CTNND2: variants seen among roughly 807,000 people sequenced by gnomAD.
The protein encoded by CTNND2 is catenin delta-2.
A neutral mutation model predicts 144.4 loss-of-function variants in CTNND2; 22 were observed. That is an observed-to-expected ratio of 0.15 (90% CI 0.11 to 0.22). The LOEUF (loss-of-function observed/expected upper bound fraction) is 0.22. Among genes scored for constraint, CTNND2 ranks in the 10% least tolerant of loss-of-function variants. The pLI is 1.00. For synonymous variants in CTNND2, 751 were observed against 695.6 expected (o/e 1.08, Z -1.25); for missense variants, 1,353 against 1,618.8 (o/e 0.84, Z 2.82).
At chr5:11,151,297 C>T (rs1341786694) in intron 12 of CTNND2, among the ~76,000 whole-genome samples, 1 of 152,134 alleles carries the variant, frequency 6.6e-6, no homozygotes, top group Non-Finnish European at 1.5e-5. Flanking sequence ...AGGGAAGTTA[C>T]TTCTTATGCA....
At chr5:11,895,220 A>C (rs1443009039) in intron 1 of CTNND2, among the ~76,000 whole-genome samples, 4 of 152,172 alleles carry the variant, frequency 2.6e-5, no homozygotes, top group South Asian at 2.1e-4. Flanking sequence ...TCACACAGTG[A>C]TCCTGGAGTC....
chr5:11,088,147 C>T (rs1353593529), intron 15 of CTNND2, among the ~76,000 whole-genome samples: 1 of 152,190 alleles, frequency 6.6e-6, no homozygotes, highest in Non-Finnish European at 1.5e-5. Context: ...CAACTGGTAT[C>T]TAGAAATGCC....
rs1739079097 is a variant in CTNND2, at chr5:11,215,484, T to G, written c.1762-15823A>C. Among the ~76,000 whole-genome samples the G allele has an allele frequency of 2.0e-5, 3 of 152,232 alleles. No homozygotes were observed. The South Asian group carries it at 6.2e-4, about 32-fold the overall frequency. On this transcript the variant is annotated intron_variant, in intron 10 of 21. Transcript: ENST00000304623. Reference sequence around the variant, plus strand: ...TAGATATGCAGATGCCTTGTTTTCTTTAATGCAAAAATATGTAAAAGCATG... The same window carrying G: ...TAGATATGCAGATGCCTTGTTTTCTGTAATGCAAAAATATGTAAAAGCATG...
intron 3 of CTNND2, among the ~76,000 whole-genome samples, chr5:11,548,252 A>T (rs1775430026): frequency 2.0e-5 from 3 of 152,230 alleles, no homozygotes; most frequent in African/African-American, 7.2e-5. Flanking sequence ...ACAAATAAAC[A>T]CAAAATTGAG....
At chr5:11,631,074 TG>T (rs1464277834) in intron 2 of CTNND2, among the ~76,000 whole-genome samples, 2 of 152,172 alleles carry the variant, frequency 1.3e-5, no homozygotes, top group Non-Finnish European at 2.9e-5. Context: ...AGTAATATAA[TG>T]TCACTTTTTC....
intron 1 of CTNND2, among the ~76,000 whole-genome samples, chr5:11,796,954 G>A (rs1237621978): frequency 6.6e-6 from 1 of 152,170 alleles, no homozygotes; most frequent in Non-Finnish European, 1.5e-5. Context: ...GAGCACAGGA[G>A]TGAGGAATTT....
At position 11,714,233 on chromosome 5, in the gene CTNND2, A is replaced by C. The variant is rs1786212510; in HGVS notation, c.174+17903T>G. Among the ~76,000 whole-genome samples, 8 of 152,330 alleles carry C rather than the reference A, an allele frequency of 5.3e-5. No homozygotes were observed. The South Asian group carries it at 1.7e-3, about 32-fold the overall frequency. The stretch of plus-strand genomic sequence containing the variant: ...GGAAACCCTATCAGAAACTGACTGG[A>C]GTCGGCCTTCCAGACAGAAAAACAA... On this transcript the variant is annotated intron_variant, in intron 2 of 21. Transcript: ENST00000304623.
intron 1 of CTNND2, among the ~76,000 whole-genome samples, chr5:11,870,208 G>A (rs1331157160): frequency 1.3e-5 from 2 of 152,118 alleles, no homozygotes; most frequent in African/African-American, 4.8e-5. Context: ...CTGTCCCCTA[G>A]GAGGCATTTG....
At chr5:11,133,669 A>C (rs1755839454) in intron 12 of CTNND2, among the ~76,000 whole-genome samples, 1 of 152,196 alleles carries the variant, frequency 6.6e-6, no homozygotes, top group Non-Finnish European at 1.5e-5. Context: ...AAATTTCTGA[A>C]AGAAATTTCT....
chr5:11,782,485 T>C (rs1790594469), intron 1 of CTNND2, among the ~76,000 whole-genome samples: 1 of 152,184 alleles, frequency 6.6e-6, no homozygotes, highest in African/African-American at 2.4e-5. Flanking sequence ...AAAGGACCTA[T>C]TATGTAAATT....
chr5:11,617,601 TG>T (rs1291636218), intron 2 of CTNND2, among the ~76,000 whole-genome samples: 1 of 152,194 alleles, frequency 6.6e-6, no homozygotes, highest in Non-Finnish European at 1.5e-5. Context: ...CATACAAAAA[TG>T]AATATTAAAT....
At chr5:11,788,158 C>A (rs1790932085) in intron 1 of CTNND2, among the ~76,000 whole-genome samples, 1 of 152,092 alleles carries the variant, frequency 6.6e-6, no homozygotes. Context: ...TTAAAATAAC[C>A]TTGGTTAAAT....
At chr5:11,492,352 G>A (rs1769477955) in intron 3 of CTNND2, among the ~76,000 whole-genome samples, 1 of 152,130 alleles carries the variant, frequency 6.6e-6, no homozygotes, top group Non-Finnish European at 1.5e-5. Context: ...GTACAAGGAA[G>A]GTTTTATTCA....
At chr5:11,273,565 A>G (rs1464973062) in intron 9 of CTNND2, among the ~76,000 whole-genome samples, 2 of 152,192 alleles carry the variant, frequency 1.3e-5, no homozygotes, top group Non-Finnish European at 2.9e-5. Flanking sequence ...GGTCACTGAA[A>G]TTTCTTTTCA....
At chr5:11,753,238 T>C (rs1487137867) in intron 1 of CTNND2, among the ~76,000 whole-genome samples, 1 of 151,874 alleles carries the variant, frequency 6.6e-6, no homozygotes, top group East Asian at 1.9e-4. Context: ...ACAGTGGTCA[T>C]CCTTGTCTTG....
intron 18 of CTNND2, among the ~76,000 whole-genome samples, chr5:11,002,919 A>T (rs1158192145): frequency 6.6e-6 from 1 of 152,218 alleles, no homozygotes; most frequent in East Asian, 1.9e-4. Flanking sequence ...ATTAACTTTG[A>T]AAATGAACAA....
chr5:11,546,590 TAGA>T (rs905064747), intron 3 of CTNND2, among the ~76,000 whole-genome samples: 2 of 152,184 alleles, frequency 1.3e-5, no homozygotes, highest in African/African-American at 4.8e-5. Flanking sequence ...CAGAAATTCT[TAGA>T]AGATGTCTCT....
intron 19 of CTNND2, among the ~76,000 whole-genome samples, chr5:10,989,782 A>T (rs1738455854): frequency 6.6e-6 from 1 of 152,220 alleles, no homozygotes; most frequent in South Asian, 2.1e-4. Flanking sequence ...CGAGTAAGGA[A>T]ATGGATGTCC....
intron 10 of CTNND2, among the ~76,000 whole-genome samples, chr5:11,200,914 C>T (rs961060315): frequency 6.8e-6 from 1 of 147,284 alleles, no homozygotes; most frequent in Admixed American, 6.6e-5. Flanking sequence ...CTCCTGACCT[C>T]GTGATCCGCC....
Sources: gnomAD v4.1 joint callset for allele counts (sites outside exome capture counted in the v4.1 genomes callset) on GRCh38, gnomAD v4.1.1 for gene constraint, MANE v1.5 for transcripts, NCBI Gene and HGNC (gene_info 2026-07-23, HGNC 2026-07-21) for gene names.